Variants in RBBP8NL observed in about 807,000 individuals in gnomAD.
RBBP8NL encodes the protein RBBP8 N-terminal like.
RBBP8NL carries 59 observed loss-of-function variants against 62.2 expected under a neutral mutation model. The observed-to-expected ratio is 0.95, with a 90% CI of 0.77 to 1.18. The LOEUF is 1.18. RBBP8NL is among the 50% of genes most tolerant of loss of function. The pLI is 0.00. For synonymous variants in RBBP8NL, 412 were observed against 394.1 expected (o/e 1.05, Z -0.54); for missense variants, 896 against 899.5 (o/e 1.00, Z 0.05).
chr20:62,413,719 G>C, intron 10 of RBBP8NL, 102 bp downstream of exon 10: 4 of 1,443,094 alleles, frequency 2.8e-6, no homozygotes, highest in Non-Finnish European at 3.7e-6. Context: ...ACAACTTGGT[G>C]GGCAGAGGGA....
At chr20:62,425,376 G>A (rs913568485) in intron 1 of RBBP8NL, among the ~76,000 whole-genome samples, 1 of 152,174 alleles carries the variant, frequency 6.6e-6, no homozygotes, top group South Asian at 2.1e-4. Context: ...GGCTTCTGAC[G>A]GTGATGACAC....
intron 8 of RBBP8NL, 44 bp from the exon 9 acceptor site, chr20:62,415,331 C>A: frequency 1.3e-6 from 2 of 1,531,554 alleles, no homozygotes; most frequent in South Asian, 1.2e-5. Flanking sequence ...CATGCGTGGC[C>A]TCTGCTGTGG....
intron 10 of RBBP8NL, 116 bp from the exon 11 acceptor site, chr20:62,413,661 CT>C: frequency 7.1e-7 from 1 of 1,409,488 alleles, no homozygotes; most frequent in Non-Finnish European, 9.5e-7. Flanking sequence ...AGGGGCCTGC[CT>C]TTCCCTTTAT....
At chr20:62,425,409 T>G (rs1988783055) in intron 1 of RBBP8NL, among the ~76,000 whole-genome samples, 1 of 152,146 alleles carries the variant, frequency 6.6e-6, no homozygotes, top group African/African-American at 2.4e-5. Context: ...GGCTGCTCAC[T>G]ACGGACTCCA....
In RBBP8NL at chr20:62,412,768, G is replaced by T. The variant is rs192633436; in HGVS notation, c.1747-15C>A. The stretch of plus-strand genomic sequence containing the variant: ...CTCAGGCCCACCTGGGGAGAAGGGG[G>T]TGTGGTCACGAGGAGGACTGCCTCC... On this transcript the variant is annotated splice_polypyrimidine_tract_variant and intron_variant, in intron 12 of 13. Transcript: ENST00000252998. 3 of 1,612,840 alleles carry T rather than the reference G, an allele frequency of 1.9e-6. No individual in the cohort carries two copies. The highest frequency in any genetic ancestry group is 1.7e-4 in the Middle Eastern group (1 of 6,060).
chr20:62,411,129 C>G, intron 13 of RBBP8NL, 133 bp from the exon 14 acceptor site: 1 of 671,612 alleles, frequency 1.5e-6, no homozygotes, highest in Non-Finnish European at 2.7e-6. Context: ...GCTGGCCACC[C>G]TTGTTCCTAC....
intron 5 of RBBP8NL, 94 bp from the exon 6 acceptor site, chr20:62,416,330 T>G: frequency 8.6e-7 from 1 of 1,156,594 alleles, no homozygotes; most frequent in Non-Finnish European, 1.2e-6. Context: ...CCCTCAGCAG[T>G]GCCCCCAGCA....
intron 5 of RBBP8NL, 59 bp downstream of exon 5, chr20:62,416,701 G>T: frequency 8.2e-7 from 1 of 1,223,834 alleles, no homozygotes; most frequent in Non-Finnish European, 1.2e-6. Context: ...GGCTGAACAG[G>T]CCTGGGGTCG....
At chr20:62,412,979 G>C in intron 11 of RBBP8NL, 79 bp from the exon 12 acceptor site, 1 of 1,503,938 alleles carries the variant, frequency 6.6e-7, no homozygotes, top group Non-Finnish European at 9.2e-7. Flanking sequence ...AGGATGGGTG[G>C]AGCCAACTCT....
rs1309225572 is a variant in RBBP8NL, at chr20:62,410,661, G to A, written c.*217C>T. ...AGGATGTGCCCGTCACCGGCTCTTC[G>A]GGGTTGCCTGCTGGTTGGGTGGTGT... On this transcript the variant is annotated 3_prime_UTR_variant, in exon 14 of 14. Transcript: ENST00000252998. The A allele has an allele frequency of 1.8e-5, 10 of 568,364 alleles. No individual in the cohort carries two copies. Among genetic ancestry groups the A allele is most frequent in the African/African-American group, 3.8e-5 (2 of 52,984 alleles). 35.2% of individuals were successfully genotyped at this position (568,364 alleles called of 1,614,324 possible).
chr20:62,418,413 C>A lies in RBBP8NL; in HGVS notation c.104+10G>T. 1 of 1,550,346 alleles carries A rather than the reference C, an allele frequency of 6.5e-7. No individual in the cohort carries two copies. The highest frequency in any genetic ancestry group is 1.2e-5 in the South Asian group (1 of 84,058). Reference sequence around the variant, plus strand: ...CCCTGTGAGGAGGGGCCCTGCTTGGCCTGACTCACCGGCACCTCTCTGAGT... The same window carrying A: ...CCCTGTGAGGAGGGGCCCTGCTTGGACTGACTCACCGGCACCTCTCTGAGT... On this transcript the variant is annotated intron_variant, in intron 3 of 13. Transcript: ENST00000252998.
intron 11 of RBBP8NL, among the ~76,000 whole-genome samples, 168 bp downstream of exon 11, chr20:62,413,233 G>A (rs1326162853): frequency 6.6e-6 from 1 of 152,270 alleles, no homozygotes; most frequent in Non-Finnish European, 1.5e-5. Context: ...TTCCTCCGGT[G>A]TCTGCAGGTG....
chr20:62,414,326 G>C lies in RBBP8NL; in HGVS notation c.1025C>G (p.Ala342Gly). 6.4e-7 allele frequency: 1 copy of C among 1,559,050 alleles called. No homozygotes were observed. Among genetic ancestry groups the C allele is most frequent in the Non-Finnish European group, 8.7e-7 (1 of 1,153,034 alleles). Residue 342 changes from alanine (A) to glycine (G), a missense_variant, in exon 10 of 14, where the codon GCC (alanine) becomes GGC (glycine). By Grantham distance (60) the Ala-to-Gly change is moderately conservative. Transcript: ENST00000252998. ...GCGAAGGTCCTGCATGCCCGCCAGGGCACTGGGCAGCCCCAGCAGTTCTGT... is the reference window on the plus strand; with the variant it reads ...GCGAAGGTCCTGCATGCCCGCCAGGCCACTGGGCAGCCCCAGCAGTTCTGT... Reference protein sequence around the residue: ...EPTELLGLPSALAGMQDLRLE... With the variant: ...EPTELLGLPSGLAGMQDLRLE...
intron 11 of RBBP8NL, 124 bp downstream of exon 11, chr20:62,413,277 G>T: frequency 8.1e-7 from 1 of 1,234,928 alleles, no homozygotes; most frequent in Non-Finnish European, 1.1e-6. Flanking sequence ...GGGTTGCCCC[G>T]TCAGATCGGC....
intron 8 of RBBP8NL, 82 bp from the exon 9 acceptor site, chr20:62,415,369 C>T: frequency 6.8e-7 from 1 of 1,462,096 alleles, no homozygotes; most frequent in Non-Finnish European, 9.1e-7. Flanking sequence ...GCTGCCTGCC[C>T]TGGGCTGCTC....
At chr20:62,412,931 G>A (rs764713206) in intron 11 of RBBP8NL, 31 bp from the exon 12 acceptor site, 2 of 1,610,542 alleles carry the variant, frequency 1.2e-6, no homozygotes, top group Non-Finnish European at 1.7e-6. Context: ...GGTCAGGCCA[G>A]GCTGGTGGCA....
intron 1 of RBBP8NL, among the ~76,000 whole-genome samples, chr20:62,424,743 C>A (rs530502959): frequency 6.6e-6 from 1 of 152,124 alleles, no homozygotes; most frequent in Admixed American, 6.5e-5. Flanking sequence ...CCTCTAAAGG[C>A]CCCCCAGAGC....
At chr20:62,427,250 C>T (rs935603253) in intron 1 of RBBP8NL, among the ~76,000 whole-genome samples, 6 of 152,216 alleles carry the variant, frequency 3.9e-5, no homozygotes, top group Admixed American at 1.3e-4. Flanking sequence ...CTGCCAGGAA[C>T]GCCCACTGAG....
At chr20:62,417,398 G>C (rs561938686) in intron 3 of RBBP8NL, 79 bp from the exon 4 acceptor site, 21 of 1,185,728 alleles carry the variant, frequency 1.8e-5, no homozygotes, top group Non-Finnish European at 2.5e-5. Flanking sequence ...AGCCTGGGGG[G>C]GCAGCGCGAT....
Sources: gnomAD v4.1 joint callset for allele counts (sites outside exome capture counted in the v4.1 genomes callset) on GRCh38, gnomAD v4.1.1 for gene constraint, MANE v1.5 for transcripts, NCBI Gene and HGNC (gene_info 2026-07-23, HGNC 2026-07-21) for gene names.